The following CCDC181 variants were observed in gnomAD, a reference collection of about 807,000 sequenced individuals.
CCDC181 encodes the protein coiled-coil domain-containing protein 181.
In CCDC181, 35 loss-of-function variants were observed where a neutral mutation model predicts 58.7. The ratio of observed to expected loss-of-function variants is 0.60; its 90% CI spans 0.46 to 0.79. The LOEUF is 0.79. Among genes scored for constraint, CCDC181 ranks in the 30% least tolerant of loss-of-function variants. The pLI, the probability that CCDC181 is intolerant of heterozygous loss-of-function variation, is 0.00. For synonymous variants in CCDC181, 183 were observed against 197.5 expected (o/e 0.93, Z 0.62); for missense variants, 517 against 583.9 (o/e 0.89, Z 1.18).
chr1:169,458,175 G>GTTTTTTTTTTTTTTTT (rs369111049), intron 2 of CCDC181, among the ~76,000 whole-genome samples: 1 of 126,896 alleles, frequency 7.9e-6, no homozygotes, highest in Non-Finnish European at 1.6e-5. Flanking sequence ...AGTAATTTTT[G>GTTTTTTTTTTTTTTTT]TTTTTTTTTT....
rs1654930914 is a variant in CCDC181 at position 169,394,993 on chromosome 1, A to G, written c.*54T>C. ...AACCAAAGTACACAGACCCTAAGAAATCATATCCAAAATTTTGATAGCAGC... is the reference window on the plus strand; with the variant it reads ...AACCAAAGTACACAGACCCTAAGAAGTCATATCCAAAATTTTGATAGCAGC... On this transcript the variant is annotated 3_prime_UTR_variant, in exon 6 of 6. Coordinates refer to ENST00000367806, the MANE Select transcript of CCDC181 (RefSeq NM_001300969.2). The G allele has an allele frequency of 6.8e-7, 1 of 1,478,580 alleles. No homozygotes were observed. Among genetic ancestry groups the G allele is most frequent in the African/African-American group, 1.4e-5 (1 of 70,802 alleles). The allele number at this position is 1,478,580 out of a possible 1,614,324, so 91.6% of individuals were successfully genotyped here. A position where few individuals can be genotyped will look rare whatever the true frequency, so the allele number is the denominator to read the frequency against.
chr1:169,444,187 G>A (rs1657310191), intron 2 of CCDC181, among the ~76,000 whole-genome samples: 1 of 152,172 alleles, frequency 6.6e-6, no homozygotes, highest in Non-Finnish European at 1.5e-5. Flanking sequence ...CCTTCATTGG[G>A]AAAACTTCCT....
chr1:169,394,940 T>A lies in CCDC181; in HGVS notation c.*107A>T. The A allele has an allele frequency of 1.9e-6, 2 of 1,038,726 alleles. No homozygotes were observed. The highest frequency in any genetic ancestry group is 5.4e-5 in the East Asian group (2 of 36,922). The allele number at this position is 1,038,726 out of a possible 1,614,324, so 64.3% of individuals were successfully genotyped here. ...AAACAAATTCACTGTCAATAAAAGA[T>A]AAATACCATTTCCATAATTTAGAAT... On this transcript the variant is annotated 3_prime_UTR_variant, in exon 6 of 6. Transcript: ENST00000367806.
At chr1:169,408,621 G>A (rs1372405662) in intron 4 of CCDC181, among the ~76,000 whole-genome samples, 1 of 152,188 alleles carries the variant, frequency 6.6e-6, no homozygotes, top group Non-Finnish European at 1.5e-5. Context: ...CCCAGCAGGG[G>A]TCGAGAGACA....
intron 4 of CCDC181, among the ~76,000 whole-genome samples, chr1:169,412,661 G>A (rs1280396514): frequency 2.0e-5 from 3 of 152,068 alleles, no homozygotes; most frequent in Admixed American, 2.0e-4. Flanking sequence ...GCATGGTACT[G>A]GTACCAAAAC....
rs1452457064 is a variant in CCDC181, at chr1:169,421,945, T to C, written c.486A>G (p.Glu162=). ...LKFKDQLVDL[E]VPPLEDTTTF... is the part of the protein sequence containing the mutation. ...TAGTAGTGTCTTCTAGTGGAGGAACTTCCAAATCAACTAACTGGTCCTTGA... is the reference window on the plus strand; with the variant it reads ...TAGTAGTGTCTTCTAGTGGAGGAACCTCCAAATCAACTAACTGGTCCTTGA... Residue 162 remains glutamate (E), a synonymous_variant, in exon 3 of 6, where the codon GAA becomes GAG. Transcript: ENST00000367806. 1.9e-6 allele frequency: 3 copies of C among 1,614,050 alleles called. No homozygotes were observed. Among genetic ancestry groups the C allele is most frequent in the East Asian group, 2.2e-5 (1 of 44,868 alleles).
rs76277583 is a variant in CCDC181 at position 169,395,315 on chromosome 1, A to G, written c.1371-109T>C. ...TAAATGGACATTTCTTTACAATGAAATACTGTCACAGCACAAATTTTTAAG... is the reference window on the plus strand; with the variant it reads ...TAAATGGACATTTCTTTACAATGAAGTACTGTCACAGCACAAATTTTTAAG... On this transcript the variant is annotated intron_variant, in intron 5 of 5. Transcript: ENST00000367806. 2,290 of 961,422 alleles carry G rather than the reference A, an allele frequency of 2.4e-3. 38 individuals are homozygous for G. The African/African-American group carries it at 0.034, about 14-fold the overall frequency. 59.6% of individuals were successfully genotyped at this position (961,422 alleles called of 1,614,324 possible).
At chr1:169,432,249 G>T (rs942748940), upstream of CCDC181, among the ~76,000 whole-genome samples, 1 of 152,126 alleles carries the variant, frequency 6.6e-6, no homozygotes, top group Admixed American at 6.5e-5. Flanking sequence ...TCAGGCAGAA[G>T]AAAGAATCAG....
At position 169,421,862 on chromosome 1, in the gene CCDC181, C is replaced by T. The variant is rs770427072; in HGVS notation, c.569G>A (p.Cys190Tyr). ...RNMFGKLSQL[C>Y]ISNDFGQEDV... The stretch of plus-strand genomic sequence containing the variant: ...TTCTTGTCCAAAATCATTGGAAATA[C>T]ATAATTGTGACAGTTTCCCAAACAT... The change falls in exon 3 of 6, where the codon TGT (cysteine) becomes TAT (tyrosine). Residue 190 changes from cysteine (C) to tyrosine (Y), a missense_variant. Transcript: ENST00000367806. 6.2e-7 allele frequency: 1 copy of T among 1,613,874 alleles called. No homozygotes were observed. The highest frequency in any genetic ancestry group is 1.7e-4 in the Middle Eastern group (1 of 6,056).
chr1:169,455,946 G>T (rs1571522640), intron 2 of CCDC181, among the ~76,000 whole-genome samples: 2 of 152,084 alleles, frequency 1.3e-5, no homozygotes, highest in South Asian at 4.1e-4. Flanking sequence ...TAATGAAGAA[G>T]ATACAGGAAC....
At chr1:169,440,304 C>A (rs1657179954) in intron 2 of CCDC181, among the ~76,000 whole-genome samples, 3 of 152,222 alleles carry the variant, frequency 2.0e-5, no homozygotes, top group Admixed American at 2.0e-4. Context: ...CAGGTAGCAA[C>A]AAGGGCAATC....
intron 2 of CCDC181, among the ~76,000 whole-genome samples, chr1:169,448,518 T>C (rs1214948318): frequency 6.6e-6 from 1 of 152,134 alleles, no homozygotes; most frequent in African/African-American, 2.4e-5. Context: ...TATTTTATTC[T>C]TTTTTGTATG....
intron 2 of CCDC181, among the ~76,000 whole-genome samples, chr1:169,443,821 C>T (rs773624946): frequency 7.2e-5 from 11 of 152,176 alleles, no homozygotes; most frequent in African/African-American, 2.7e-4. Context: ...GAATAACTGA[C>T]TCACATACAC....
In CCDC181 at chr1:169,422,199, G is replaced by A. The variant is rs749706378; in HGVS notation, c.232C>T (p.Pro78Ser). 3 of 1,613,682 alleles carry A rather than the reference G, an allele frequency of 1.9e-6. No homozygotes were observed. The highest frequency in any genetic ancestry group is 2.5e-6 in the Non-Finnish European group (3 of 1,179,820). ...PDKSLQDEVS[P>S]RRNDIISVPG... ...ACAGAAATGATGTCATTTCTTCTTG[G>A]TGAGACCTCATCCTGCAAAGATTTG... The change falls in exon 3 of 6, where the codon CCA becomes TCA. Residue 78 changes from proline (P) to serine (S), a missense_variant. Pro to Ser is a moderately conservative substitution (Grantham distance 74). Transcript: ENST00000367806.
At chr1:169,435,750 A>G (rs1167131766) in intron 2 of CCDC181, among the ~76,000 whole-genome samples, 3 of 152,210 alleles carry the variant, frequency 2.0e-5, no homozygotes, top group African/African-American at 7.2e-5. Flanking sequence ...AATGAAAATA[A>G]TAAAATTTTT....
intron 4 of CCDC181, among the ~76,000 whole-genome samples, chr1:169,400,158 G>C (rs762290850): frequency 7.9e-5 from 12 of 152,090 alleles, no homozygotes; most frequent in Non-Finnish European, 1.5e-4. Flanking sequence ...AACTATAGTG[G>C]GAATACTTCA....
chr1:169,414,501 C>T (rs1286149159), intron 4 of CCDC181, among the ~76,000 whole-genome samples: 1 of 152,146 alleles, frequency 6.6e-6, no homozygotes, highest in East Asian at 1.9e-4. Context: ...ACATCCAATG[C>T]AGAATACACA....
intron 3 of CCDC181, 36 bp downstream of exon 3, chr1:169,421,327 C>T (rs762815249): frequency 2.7e-5 from 39 of 1,463,652 alleles, no homozygotes; most frequent in Admixed American, 1.6e-4. Context: ...GTAAAACATA[C>T]TCTACTTTTA....
At position 169,421,816 on chromosome 1, in the gene CCDC181, A is replaced by G; in HGVS notation, c.615T>C (p.Thr205=). The G allele has an allele frequency of 6.2e-7, 1 of 1,614,066 alleles. No homozygotes were observed. The highest frequency in any genetic ancestry group is 1.1e-5 in the South Asian group (1 of 91,084). ...CCTTGTTTTCTTCACAGCTTCCATT[A>G]GTAAGTGACAGGAGCACATCTTCTT... The part of the protein sequence containing the change: ...FGQEDVLLSL[T]NGSCEENKDR... Residue 205 remains threonine (T), a synonymous_variant, in exon 3 of 6, where the codon ACT becomes ACC. Transcript: ENST00000367806.
Sources: allele counts gnomAD v4.1 joint callset (sites outside exome capture counted in the v4.1 genomes callset), GRCh38; gene constraint gnomAD v4.1.1; transcripts MANE v1.5; gene names NCBI Gene and HGNC (gene_info 2026-07-23, HGNC 2026-07-21).